The following ITGB5 variants were observed in gnomAD, a reference collection of about 807,000 sequenced individuals.
ITGB5 encodes the protein integrin beta-5.
ITGB5 carries 38 observed loss-of-function variants against 84.8 expected under a neutral mutation model. The ratio of observed to expected loss-of-function variants is 0.45; its 90% confidence interval spans 0.35 to 0.59. The LOEUF (loss-of-function observed/expected upper bound fraction) is 0.59. Ranked by LOEUF, ITGB5 falls within the 20% of genes least tolerant of loss-of-function variation. ITGB5 has a pLI of 0.01. For missense variants in ITGB5, 905 were observed against 1,034.5 expected (o/e 0.87, Z 1.72); for synonymous variants, 393 against 414.4 (o/e 0.95, Z 0.63).
chr3:124,766,447 T>C (rs2063770120), intron 12 of ITGB5, 102 bp from the exon 13 acceptor site: 4 of 1,381,400 alleles, frequency 2.9e-6, no homozygotes, highest in Non-Finnish European at 4.0e-6. Flanking sequence ...GGAAAGGGCA[T>C]GGGGGGTGTG....
intron 11 of ITGB5, chr3:124,769,428 C>T: frequency 3.9e-6 from 1 of 254,908 alleles, no homozygotes; most frequent in Non-Finnish European, 7.5e-6. Context: ...GAGTCTGCTC[C>T]AAGCCAGAGG....
chr3:124,829,150 G>C (rs2064824628), intron 5 of ITGB5, among the ~76,000 whole-genome samples: 1 of 152,044 alleles, frequency 6.6e-6, no homozygotes, highest in Non-Finnish European at 1.5e-5. Context: ...AGAATTATGG[G>C]TGATGCTTAT....
rs1559934120 is a variant in ITGB5, at chr3:124,790,520, G to GCCTTTGACTAGACATGGTTATCAGAACCA, written c.1693+5867_1693+5868insTGGTTCTGATAACCATGTCTAGTCAAAGG. Among the ~76,000 whole-genome samples, 1,268 of 146,900 alleles carry GCCTTTGACTAGACATGGTTATCAGAACCA rather than the reference G, an allele frequency of 8.6e-3. 74 individuals are homozygous for GCCTTTGACTAGACATGGTTATCAGAACCA. Among genetic ancestry groups the GCCTTTGACTAGACATGGTTATCAGAACCA allele is most frequent in the African/African-American group, 0.032 (1,225 of 37,984 alleles). On this transcript the variant is annotated intron_variant, in intron 10 of 14. Coordinates refer to ENST00000296181, the MANE Select transcript of ITGB5 (RefSeq NM_002213.5). ...TTGACTAGACAGGGTTATCAGAACCGCCTTTGACTAGACATGGTTAACAGA... is the reference window on the plus strand; with the variant it reads ...TTGACTAGACAGGGTTATCAGAACCGCCTTTGACTAGACATGGTTATCAGAACCACCTTTGACTAGACATGGTTAACAGA...
chr3:124,852,280 A>G (rs1222027928), intron 3 of ITGB5, among the ~76,000 whole-genome samples: 1 of 152,056 alleles, frequency 6.6e-6, no homozygotes, highest in African/African-American at 2.4e-5. Flanking sequence ...CTACAGGCTC[A>G]TGTATCCCTG....
intron 9 of ITGB5, among the ~76,000 whole-genome samples, chr3:124,807,485 C>G (rs950508448): frequency 2.6e-5 from 4 of 152,162 alleles, no homozygotes; most frequent in African/African-American, 9.7e-5. Flanking sequence ...ATTAGGCCTT[C>G]TTTCAATCTT....
At position 124,859,843 on chromosome 3, in the gene ITGB5, G is replaced by A. The variant is rs565621108; in HGVS notation, c.157-397C>T. Among the ~76,000 whole-genome samples, 15 of 152,308 alleles carry A rather than the reference G, an allele frequency of 9.8e-5. No individual in the cohort carries two copies. The East Asian group carries it at 2.9e-3, about 29-fold the overall frequency. On this transcript the variant is annotated intron_variant, in intron 2 of 14. Coordinates refer to ENST00000296181, the MANE Select transcript of ITGB5 (RefSeq NM_002213.5). ...CATGCCTGTAATCCCAGCTATTTGGGAGACTGAGGTGGGAGGATCGCTTGA... is the reference window on the plus strand; with the variant it reads ...CATGCCTGTAATCCCAGCTATTTGGAAGACTGAGGTGGGAGGATCGCTTGA...
At chr3:124,803,850 G>T (rs2064354328) in intron 9 of ITGB5, among the ~76,000 whole-genome samples, 1 of 152,348 alleles carries the variant, frequency 6.6e-6, no homozygotes, top group Admixed American at 6.5e-5. Context: ...GCTGGCTTCA[G>T]AACAGAAAGC....
intron 7 of ITGB5, among the ~76,000 whole-genome samples, chr3:124,818,502 CTTTTTTTTTTTTTTTTTTT>C (rs143582866): frequency 0.014 from 984 of 68,294 alleles, 36 homozygotes; most frequent in South Asian, 0.1. Context: ...AGTGCATAGG[CTTTTTTTTTTTTTTTTTTT>C]TTTTTTTTTT....
chr3:124,810,907 G>C (rs1559946118), intron 8 of ITGB5, among the ~76,000 whole-genome samples: 1 of 127,920 alleles, frequency 7.8e-6, no homozygotes, highest in African/African-American at 3.8e-5. Context: ...GCTCTTGTGG[G>C]TTTTCTTTCT....
intron 1 of ITGB5, among the ~76,000 whole-genome samples, chr3:124,885,725 C>G (rs1934773726): frequency 6.6e-6 from 1 of 152,228 alleles, no homozygotes; most frequent in African/African-American, 2.4e-5. Context: ...GGAATCCACT[C>G]ATCTACTCTC....
chr3:124,849,106 C>G (rs1036924051), intron 3 of ITGB5, among the ~76,000 whole-genome samples: 1 of 152,138 alleles, frequency 6.6e-6, no homozygotes, highest in Non-Finnish European at 1.5e-5. Context: ...AAGGAAACTC[C>G]TTAACAACCA....
At position 124,796,632 on chromosome 3, in the gene ITGB5, G is replaced by C; in HGVS notation, c.1449C>G (p.Val483=). The change falls in exon 10 of 15, where the codon GTC becomes GTG. Residue 483 remains valine (V), a synonymous_variant. Transcript: ENST00000296181. ...CGGGGCTGCACTCACACAGGCCGCA[G>C]ACATAGGTCCCGCTCCCGTTGCACC... ...SARCNGSGTY[V]CGLCECSPGY... is the part of the protein sequence containing the mutation. The C allele has an allele frequency of 6.2e-7, 1 of 1,614,052 alleles. No homozygotes were observed. The highest frequency in any genetic ancestry group is 1.1e-5 in the South Asian group (1 of 91,074).
chr3:124,781,344 C>G (rs1048302118), intron 10 of ITGB5: 2 of 152,410 alleles, frequency 1.3e-5, no homozygotes, highest in African/African-American at 4.8e-5. Context: ...GATTACGTAA[C>G]AGACCCCTTG....
rs774939398 is a variant in ITGB5 at position 124,796,696 on chromosome 3, G to A, written c.1385C>T (p.Thr462Met). 2 of 1,614,068 alleles carry A rather than the reference G, an allele frequency of 1.2e-6. No individual in the cohort carries two copies. Among genetic ancestry groups the A allele is most frequent in the Non-Finnish European group, 1.7e-6 (2 of 1,180,020 alleles). ...TTCCAGCCCCACGCTGCAGCCGCAC[G>A]TGCAGTTGTAGGTGACCCCCACCTC... is the stretch of plus-strand genomic sequence containing the variant. ...SLEVGVTYNC[T>M]CGCSVGLEPN... The change falls in exon 10 of 15, where the codon ACG (threonine) becomes ATG (methionine). Residue 462 changes from threonine to methionine, a missense_variant. Thr to Met is a moderately conservative substitution (Grantham distance 81, BLOSUM62 -1). Coordinates refer to ENST00000296181, the MANE Select transcript of ITGB5 (RefSeq NM_002213.5).
intron 9 of ITGB5, among the ~76,000 whole-genome samples, chr3:124,799,559 C>T (rs796220851): frequency 5.3e-5 from 8 of 151,298 alleles, no homozygotes; most frequent in African/African-American, 1.9e-4. Flanking sequence ...GATCTTGTCT[C>T]AAAAAGAAAA....
chr3:124,831,219 T>C (rs1333896410), intron 5 of ITGB5, among the ~76,000 whole-genome samples: 2 of 152,126 alleles, frequency 1.3e-5, no homozygotes, highest in African/African-American at 4.8e-5. Flanking sequence ...TCTCTCGCTG[T>C]CAATGTCTGT....
chr3:124,900,050 C>T (rs541251631), intron 1 of ITGB5, among the ~76,000 whole-genome samples: 4 of 152,102 alleles, frequency 2.6e-5, no homozygotes, highest in Non-Finnish European at 5.9e-5. Flanking sequence ...GCCTGTGTTT[C>T]ATCCACCACT....
At chr3:124,871,366 T>C (rs1484383602) in intron 2 of ITGB5, among the ~76,000 whole-genome samples, 1 of 152,174 alleles carries the variant, frequency 6.6e-6, no homozygotes, top group African/African-American at 2.4e-5. Context: ...GGCTAATTTT[T>C]TGTATCTTTA....
At position 124,848,341 on chromosome 3, in the gene ITGB5, C is replaced by T. The variant is rs778315404; in HGVS notation, c.579G>A (p.Thr193=). 27 of 1,614,024 alleles carry T rather than the reference C, an allele frequency of 1.7e-5. No individual in the cohort carries two copies. Among genetic ancestry groups the T allele is most frequent in the South Asian group, 1.6e-4 (15 of 91,058 alleles). Reference sequence around the variant, plus strand: ...ACGGATTGGTCTGGTACCTCGGTGCCGTGTAGGAGAAAGGAGAGATGTCCT... The same window carrying T: ...ACGGATTGGTCTGGTACCTCGGTGCTGTGTAGGAGAAAGGAGAGATGTCCT... The part of the protein sequence containing the change: ...VDKDISPFSY[T]APRYQTNPCI... Residue 193 remains threonine, a synonymous_variant, in exon 4 of 15, where the codon ACG becomes ACA. Coordinates refer to ENST00000296181, the MANE Select transcript of ITGB5 (RefSeq NM_002213.5).
Sources: gnomAD v4.1 joint callset for allele counts (sites outside exome capture counted in the v4.1 genomes callset) on GRCh38, gnomAD v4.1.1 for gene constraint, MANE v1.5 for transcripts, NCBI Gene and HGNC (gene_info 2026-07-23, HGNC 2026-07-21) for gene names.